The following CDH7 variants were observed in gnomAD, a reference collection of about 807,000 sequenced individuals.
The protein encoded by CDH7 is cadherin 7.
In CDH7, 25 loss-of-function variants were observed where a neutral mutation model predicts 71.8. The ratio of observed to expected loss-of-function variants is 0.35; its 90% CI spans 0.25 to 0.49. The LOEUF is 0.49. Ranked by LOEUF, CDH7 falls within the 20% of genes least tolerant of loss-of-function variation. The pLI, the probability that CDH7 is intolerant of heterozygous loss-of-function variation, is 0.99. For synonymous variants in CDH7, 381 were observed against 363.8 expected, an observed-to-expected ratio of 1.05 and a Z score of -0.54; for missense variants, 862 against 974.6, an observed-to-expected ratio of 0.88 and a Z score of 1.54.
intron 6 of CDH7, among the ~76,000 whole-genome samples, chr18:65,828,355 G>C (rs56260709): frequency 0.23 from 35,386 of 151,900 alleles, 4,280 homozygotes; most frequent in Non-Finnish European, 0.27. Flanking sequence ...TTACACAGTT[G>C]ATCCTTAAAA....
intron 10 of CDH7, among the ~76,000 whole-genome samples, chr18:65,861,276 G>A (rs1033024237): frequency 6.6e-6 from 1 of 151,910 alleles, no homozygotes; most frequent in South Asian, 2.1e-4. Context: ...TGAATATAGA[G>A]TCATATTCTC....
chr18:65,862,994 C>G (rs762291669), intron 11 of CDH7, 77 bp downstream of exon 11: 8 of 1,456,956 alleles, frequency 5.5e-6, no homozygotes, highest in Non-Finnish European at 6.6e-6. Context: ...ATTATCTTCT[C>G]CATTTGGTGA....
intron 2 of CDH7, among the ~76,000 whole-genome samples, chr18:65,772,096 A>C (rs1916561468): frequency 6.6e-6 from 1 of 152,194 alleles, no homozygotes; most frequent in African/African-American, 2.4e-5. Flanking sequence ...ACATGTTTTA[A>C]GGTATTTAAC....
intron 2 of CDH7, 41 bp downstream of exon 2, chr18:65,763,093 T>C (rs749839922): frequency 2.8e-5 from 39 of 1,415,940 alleles, no homozygotes; most frequent in Non-Finnish European, 3.8e-5. Context: ...ATGATTATTG[T>C]CCATGTCTAT....
chr18:65,773,325 C>A (rs976519151), intron 2 of CDH7, among the ~76,000 whole-genome samples: 1 of 152,048 alleles, frequency 6.6e-6, no homozygotes, highest in African/African-American at 2.4e-5. Context: ...ATATGAATAT[C>A]ACATATTTTC....
rs752989852 is a variant in CDH7 at position 65,857,872 on chromosome 18, G to A, written c.1292G>A (p.Ser431Asn). ...LERYFNIDAN[S>N]GVITTAKSLD... ...AGATACTTCAATATTGATGCCAACA[G>A]TGGGGTCATCACAACTGCCAAGTCT... The change falls in exon 8 of 12, where the codon AGT becomes AAT. Residue 431 changes from serine to asparagine, a missense_variant. Coordinates refer to ENST00000397968, the MANE Select transcript of CDH7 (RefSeq NM_004361.5). 3 of 1,612,938 alleles carry A rather than the reference G, an allele frequency of 1.9e-6. No homozygotes were observed. The highest frequency in any genetic ancestry group is 2.5e-6 in the Non-Finnish European group (3 of 1,178,992).
At chr18:65,781,810 C>CTTT (rs1910221226) in intron 2 of CDH7, among the ~76,000 whole-genome samples, 2 of 83,082 alleles carry the variant, frequency 2.4e-5, no homozygotes, top group Non-Finnish European at 4.4e-5. Flanking sequence ...TTCCTTCCTT[C>CTTT]CTTCCTTCCT....
chr18:65,829,477 A>AC (rs1441458716), intron 6 of CDH7, among the ~76,000 whole-genome samples: 3 of 151,122 alleles, frequency 2.0e-5, no homozygotes, highest in African/African-American at 7.3e-5. Flanking sequence ...AAAAAAAAAA[A>AC]AAAAACTTGT....
rs1435439469 is a variant in CDH7 at position 65,883,323 on chromosome 18, T to G, written c.*2429T>G. The G allele has an allele frequency of 6.6e-6, 1 of 151,950 alleles. No individual in the cohort carries two copies. Among genetic ancestry groups the G allele is most frequent in the Non-Finnish European group, 1.5e-5 (1 of 67,936 alleles). 9.4% of individuals were successfully genotyped at this position (151,950 alleles called of 1,614,324 possible). On this transcript the variant is annotated 3_prime_UTR_variant, in exon 12 of 12. Transcript: ENST00000397968. The stretch of plus-strand genomic sequence containing the variant: ...TTATATGAAGTATTCTAAGCTTAAT[T>G]GTAATAGTAGTAAATTTTTTGCCGT...
At chr18:65,760,545 A>G (rs1382914051) in intron 1 of CDH7, among the ~76,000 whole-genome samples, 1 of 152,198 alleles carries the variant, frequency 6.6e-6, no homozygotes, top group East Asian at 1.9e-4. Context: ...TAAAAACTAT[A>G]TTATCAGGAG....
At chr18:65,757,897 G>A (rs2143776162) in intron 1 of CDH7, among the ~76,000 whole-genome samples, 1 of 151,848 alleles carries the variant, frequency 6.6e-6, no homozygotes, top group Non-Finnish European at 1.5e-5. Flanking sequence ...CATGAATCTT[G>A]TTTTTAACTC....
intron 2 of CDH7, among the ~76,000 whole-genome samples, chr18:65,809,186 C>G (rs1378002723): frequency 6.6e-6 from 1 of 152,094 alleles, no homozygotes; most frequent in African/African-American, 2.4e-5. Context: ...ACTGGACATC[C>G]AGCCACACTC....
chr18:65,781,771 C>CTTTCTTTCTTTCTTTCTTTCTTTCT (rs1568181257), intron 2 of CDH7, among the ~76,000 whole-genome samples: 5 of 39,082 alleles, frequency 1.3e-4, no homozygotes, highest in Admixed American at 2.7e-4. Flanking sequence ...TCTTTCTTTC[C>CTTTCTTTCTTTCTTTCTTTCTTTCT]TTCCTTCCTT....
At chr18:65,815,996 A>G (rs1911710842) in intron 4 of CDH7, among the ~76,000 whole-genome samples, 1 of 152,154 alleles carries the variant, frequency 6.6e-6, no homozygotes, top group South Asian at 2.1e-4. Context: ...TGCTGCTACT[A>G]ATGATTGGCT....
chr18:65,781,772 TTCCTTCCTTCCTTCCTTCCTTCCTTCC>T (rs1568181268), intron 2 of CDH7, among the ~76,000 whole-genome samples: 2,873 of 75,702 alleles, frequency 0.038, 376 homozygotes, highest in African/African-American at 0.14. Context: ...CTTTCTTTCC[TTCCTTCCTTCCTTCCTTCCTTCCTTCC>T]TTCCTTCCTT....
At position 65,824,831 on chromosome 18, in the gene CDH7, G is replaced by A; in HGVS notation, c.981G>A (p.Lys327=). The A allele has an allele frequency of 6.4e-7, 1 of 1,573,310 alleles. No individual in the cohort carries two copies. Among genetic ancestry groups the A allele is most frequent in the East Asian group, 2.3e-5 (1 of 44,186 alleles). Residue 327 remains lysine, a splice_region_variant and synonymous_variant, in exon 6 of 12, where the codon AAG becomes AAA. Coordinates refer to ENST00000397968, the MANE Select transcript of CDH7 (RefSeq NM_004361.5). ...AGGAAGGAATCATTACTATACAGAA[G>A]GTAATGTTTTCTTTATTTATCTTTT... ...ETQEGIITIQ[K]ELDFEAKTSY...
intron 2 of CDH7, among the ~76,000 whole-genome samples, chr18:65,800,653 TAGG>T (rs1217597143): frequency 1.3e-5 from 2 of 152,270 alleles, no homozygotes; most frequent in South Asian, 2.1e-4. Context: ...AGCAAAATAG[TAGG>T]AGAAGATGAA....
chr18:65,781,843 T>TC (rs1910233564), intron 2 of CDH7, among the ~76,000 whole-genome samples: 5 of 98,528 alleles, frequency 5.1e-5, no homozygotes, highest in African/African-American at 3.3e-4. Flanking sequence ...TCTTTCTTTC[T>TC]TTCTTTCTTT....
In CDH7 at chr18:65,824,749, A is replaced by G. The variant is rs757877851; in HGVS notation, c.899A>G (p.Lys300Arg). ...DIGANAEMEYKIVDGDGLGIF... is the reference protein window; with the variant it reads ...DIGANAEMEYRIVDGDGLGIF... ...GGAGCTAATGCTGAAATGGAGTACAAGATTGTGGATGGTGATGGTTTGGGC... is the reference window on the plus strand; with the variant it reads ...GGAGCTAATGCTGAAATGGAGTACAGGATTGTGGATGGTGATGGTTTGGGC... The change falls in exon 6 of 12, where the codon AAG becomes AGG. Residue 300 changes from lysine (K) to arginine (R), a missense_variant. Lys to Arg is a conservative substitution (Grantham distance 26, BLOSUM62 2). Transcript: ENST00000397968. 17 of 1,612,720 alleles carry G rather than the reference A, an allele frequency of 1.1e-5. No individual in the cohort carries two copies. The highest frequency in any genetic ancestry group is 1.3e-5 in the Non-Finnish European group (15 of 1,178,962).
Sources: gnomAD v4.1 joint callset for allele counts (sites outside exome capture counted in the v4.1 genomes callset) on GRCh38, gnomAD v4.1.1 for gene constraint, MANE v1.5 for transcripts, NCBI Gene and HGNC (gene_info 2026-07-23, HGNC 2026-07-21) for gene names.